Variants in RHOBTB3 observed in about 807,000 individuals in gnomAD.
The protein encoded by RHOBTB3 is Rho related BTB domain containing 3, also known as rho-related BTB domain-containing protein 3.
A neutral mutation model predicts 67.2 loss-of-function variants in RHOBTB3; 47 were observed. The observed-to-expected ratio is 0.70, with a 90% CI of 0.55 to 0.89. The LOEUF (loss-of-function observed/expected upper bound fraction) is 0.89. Ranked by LOEUF, RHOBTB3 falls within the 40% of genes least tolerant of loss-of-function variation. The pLI is 0.00. For synonymous variants in RHOBTB3, 273 were observed against 274.2 expected (o/e 1.00, Z 0.04); for missense variants, 631 against 750.0 (o/e 0.84, Z 1.85).
At chr5:95,746,666 G>A (rs962935113) in intron 3 of RHOBTB3, among the ~76,000 whole-genome samples, 19 of 152,030 alleles carry the variant, frequency 1.2e-4, no homozygotes, top group Admixed American at 3.3e-4. Context: ...TCCTTTTGGT[G>A]TCACTTTTAT....
chr5:95,787,188 A>G (rs1421415083), intron 10 of RHOBTB3, among the ~76,000 whole-genome samples: 2 of 152,206 alleles, frequency 1.3e-5, no homozygotes, highest in Non-Finnish European at 2.9e-5. Context: ...GCAATGTCCT[A>G]ACCTCCTGGT....
At chr5:95,783,494 A>G (rs2112833848) in intron 9 of RHOBTB3, 1 of 163,092 alleles carries the variant, frequency 6.1e-6, no homozygotes. Context: ...GGGAGGCCAA[A>G]GTAGGAGGAT....
intron 5 of RHOBTB3, among the ~76,000 whole-genome samples, chr5:95,754,839 C>T (rs1745195753): frequency 6.6e-6 from 1 of 152,204 alleles, no homozygotes; most frequent in African/African-American, 2.4e-5. Context: ...CGATCGAGTT[C>T]AAGACTCTGA....
In RHOBTB3 at chr5:95,755,501, TA is replaced by T; in HGVS notation, c.791del (p.Lys264ArgfsTer4). The stretch of plus-strand genomic sequence containing the variant: ...GACGTGGTATTTTACAACCCCAATT[TA>T]AAGAAAGTTGTAGAGGCCCACAAGA... ...CVDVVFYNPN[L>X]KKVVEAHKIV... On this transcript the variant is annotated frameshift_variant, in exon 6 of 12. Transcript: ENST00000379982. LOFTEE classifies it high-confidence loss of function. 6.2e-7 allele frequency: 1 copy of T among 1,614,140 alleles called. No individual in the cohort carries two copies. Among genetic ancestry groups the T allele is most frequent in the Non-Finnish European group, 8.5e-7 (1 of 1,179,996 alleles).
At chr5:95,724,672 G>A (rs988248324) in intron 1 of RHOBTB3, among the ~76,000 whole-genome samples, 1 of 152,108 alleles carries the variant, frequency 6.6e-6, no homozygotes, top group African/African-American at 2.4e-5. Flanking sequence ...CAACATGTTG[G>A]CCAGGCTGGT....
rs146163568 is a variant in RHOBTB3 at position 95,760,912 on chromosome 5, A to G, written c.1049-2596A>G. Among the ~76,000 whole-genome samples, 107 of 152,352 alleles carry G rather than the reference A, an allele frequency of 7.0e-4. 3 individuals are homozygous for G. The highest frequency in any genetic ancestry group is 2.3e-3 in the African/African-American group (95 of 41,580). On this transcript the variant is annotated intron_variant, in intron 6 of 11. Coordinates refer to ENST00000379982, the MANE Select transcript of RHOBTB3 (RefSeq NM_014899.4). Reference sequence around the variant, plus strand: ...GATTACTGGTTTATTAGGACCTAAAAGTCTCAAAGATGACTTGATTAATGT... The same window carrying G: ...GATTACTGGTTTATTAGGACCTAAAGGTCTCAAAGATGACTTGATTAATGT...
At chr5:95,746,265 A>G (rs532545946) in intron 3 of RHOBTB3, among the ~76,000 whole-genome samples, 1 of 152,172 alleles carries the variant, frequency 6.6e-6, no homozygotes, top group Admixed American at 6.5e-5. Flanking sequence ...ATTTTACATT[A>G]TGTTCACTTC....
chr5:95,744,571 A>G (rs1441264276), intron 3 of RHOBTB3, among the ~76,000 whole-genome samples: 2 of 152,122 alleles, frequency 1.3e-5, no homozygotes, highest in South Asian at 2.1e-4. Flanking sequence ...GAAAAAATCA[A>G]TTTCACTAAC....
Position 95,783,838 on chromosome 5 carries a change from A to G in RHOBTB3, c.1498A>G (p.Met500Val). ...CATGTGTCTCCTGATCTGTGCCGAG[A>G]TGTACCAAGTGTCCAGACTGCAGCA... ...QAMCLLICAEMYQVSRLQHIC... is the reference protein window; with the variant it reads ...QAMCLLICAEVYQVSRLQHIC... Residue 500 changes from methionine (M) to valine (V), a missense_variant, in exon 10 of 12, where the codon ATG becomes GTG. Transcript: ENST00000379982. 1 of 1,613,726 alleles carries G rather than the reference A, an allele frequency of 6.2e-7. No individual in the cohort carries two copies.
Position 95,742,830 on chromosome 5 carries a change from C to T in RHOBTB3, c.416-5503C>T, listed in dbSNP as rs187315007. Among the ~76,000 whole-genome samples the T allele has an allele frequency of 4.6e-5, 7 of 152,252 alleles. No homozygotes were observed. In the East Asian group the frequency reaches 9.7e-4, roughly 21 times the overall value. ...GCTCATGCCTGTAATCCCAGCACTT[C>T]GGGAGGCCGAGGCGGGCGGATCATG... On this transcript the variant is annotated intron_variant, in intron 3 of 11. Coordinates refer to ENST00000379982, the MANE Select transcript of RHOBTB3 (RefSeq NM_014899.4).
At chr5:95,718,417 C>T (rs76576394) in intron 1 of RHOBTB3, among the ~76,000 whole-genome samples, 1 of 152,240 alleles carries the variant, frequency 6.6e-6, no homozygotes, top group Admixed American at 6.5e-5. Context: ...AAGTAAAGAA[C>T]GGATGTGGCT....
At chr5:95,720,235 C>T (rs1476152648) in intron 1 of RHOBTB3, among the ~76,000 whole-genome samples, 2 of 152,188 alleles carry the variant, frequency 1.3e-5, no homozygotes, top group Non-Finnish European at 1.5e-5. Context: ...ACTTAAGAGG[C>T]AATGTCATCC....
chr5:95,741,781 G>T (rs1202206138), intron 3 of RHOBTB3, among the ~76,000 whole-genome samples: 2 of 151,978 alleles, frequency 1.3e-5, no homozygotes, highest in Non-Finnish European at 2.9e-5. Flanking sequence ...CTTCATTTAT[G>T]ATAAATGTGC....
At position 95,731,561 on chromosome 5, in the gene RHOBTB3, C is replaced by G; in HGVS notation, c.-122C>G. 1 of 1,474,598 alleles carries G rather than the reference C, an allele frequency of 6.8e-7. No homozygotes were observed. The highest frequency in any genetic ancestry group is 9.0e-7 in the Non-Finnish European group (1 of 1,113,068). 91.3% of individuals were successfully genotyped at this position (1,474,598 alleles called of 1,614,324 possible). A position where few individuals can be genotyped will look rare whatever the true frequency, so the allele number is the denominator to read the frequency against. ...TGCGTCGGCCCCGCCGCGGTGGAGGCGCGCGAGGGGGACGCGGCCGGGGAT... is the reference window on the plus strand; with the variant it reads ...TGCGTCGGCCCCGCCGCGGTGGAGGGGCGCGAGGGGGACGCGGCCGGGGAT... On this transcript the variant is annotated 5_prime_UTR_variant, in exon 1 of 12. Transcript: ENST00000379982.
chr5:95,758,717 A>G (rs915744880), intron 6 of RHOBTB3, among the ~76,000 whole-genome samples: 12 of 152,164 alleles, frequency 7.9e-5, no homozygotes, highest in Non-Finnish European at 1.5e-4. Flanking sequence ...GTGCTTTTCA[A>G]ACCTTAAAGT....
At chr5:95,756,343 TC>T (rs1745245528) in intron 6 of RHOBTB3, among the ~76,000 whole-genome samples, 1 of 152,232 alleles carries the variant, frequency 6.6e-6, no homozygotes, top group Non-Finnish European at 1.5e-5. Context: ...AGGATTTTCT[TC>T]CTTTTAAGGT....
At chr5:95,730,885 G>A (rs969966051), upstream of RHOBTB3, 2 of 455,866 alleles carry the variant, frequency 4.4e-6, no homozygotes, top group Non-Finnish European at 4.4e-6. Flanking sequence ...AAATGAGAAA[G>A]CGGCAGACGT....
Position 95,731,501 on chromosome 5 carries a change from C to G in RHOBTB3, c.-182C>G, listed in dbSNP as rs1157168589. On this transcript the variant is annotated 5_prime_UTR_variant, in exon 1 of 12. Transcript: ENST00000379982. ...CCCGCTAGCCCGCCCTGGTCCCCGGCTCGCTCGCTGGCTGGCGCGGCCCCG... is the reference window on the plus strand; with the variant it reads ...CCCGCTAGCCCGCCCTGGTCCCCGGGTCGCTCGCTGGCTGGCGCGGCCCCG... 1.6e-6 allele frequency: 2 copies of G among 1,247,122 alleles called. No individual in the cohort carries two copies. Among genetic ancestry groups the G allele is most frequent in the Non-Finnish European group, 2.0e-6 (2 of 999,612 alleles). 77.3% of individuals were successfully genotyped at this position (1,247,122 alleles called of 1,614,324 possible).
At chr5:95,733,885 C>A (rs919039223) in intron 2 of RHOBTB3, among the ~76,000 whole-genome samples, 1 of 152,150 alleles carries the variant, frequency 6.6e-6, no homozygotes, top group African/African-American at 2.4e-5. Flanking sequence ...TAGAGCATAG[C>A]CTTTGATATC....
Sources: gnomAD v4.1 joint callset for allele counts (sites outside exome capture counted in the v4.1 genomes callset) on GRCh38, gnomAD v4.1.1 for gene constraint, MANE v1.5 for transcripts, NCBI Gene and HGNC (gene_info 2026-07-23, HGNC 2026-07-21) for gene names.